TNFRSF10D: variants seen among roughly 807,000 people sequenced by gnomAD.
TNFRSF10D encodes tumor necrosis factor receptor superfamily member 10D.
TNFRSF10D carries 28 observed loss-of-function variants against 42.1 expected under a neutral mutation model. The observed-to-expected ratio is 0.66, with a 90% confidence interval of 0.49 to 0.91. The LOEUF is 0.91. TNFRSF10D is among the 40% of genes least tolerant of loss of function. The pLI is 0.00. For synonymous variants in TNFRSF10D, 186 were observed against 189.4 expected, an observed-to-expected ratio of 0.98 and a Z score of 0.15; for missense variants, 503 against 486.1, an observed-to-expected ratio of 1.03 and a Z score of -0.33.
chr8:23,144,916 C>T, intron 6 of TNFRSF10D, 142 bp downstream of exon 6: 1 of 1,294,428 alleles, frequency 7.7e-7, no homozygotes, highest in Non-Finnish European at 1.1e-6. Context: ...GTGTCCCCCA[C>T]AGTCAGCCCA....
At chr8:23,155,003 G>T in intron 1 of TNFRSF10D, 24 bp from the exon 2 acceptor site, 1 of 1,571,340 alleles carries the variant, frequency 6.4e-7, no homozygotes, top group Non-Finnish European at 8.7e-7. Flanking sequence ...GCAGAGATGG[G>T]CTTGAGTGGC....
At chr8:23,139,620 C>A (rs565646995) in intron 7 of TNFRSF10D, among the ~76,000 whole-genome samples, 1 of 152,250 alleles carries the variant, frequency 6.6e-6, no homozygotes, top group African/African-American at 2.4e-5. Context: ...AGAACTGGAA[C>A]AAGGCAAGGA....
At chr8:23,140,924 A>G (rs1484609987) in intron 7 of TNFRSF10D, among the ~76,000 whole-genome samples, 8 of 152,178 alleles carry the variant, frequency 5.3e-5, no homozygotes, top group Non-Finnish European at 1.0e-4. Flanking sequence ...GGAATAATAC[A>G]ACTCCCCATT....
chr8:23,157,117 T>C (rs1449173431), intron 1 of TNFRSF10D, among the ~76,000 whole-genome samples: 3 of 152,146 alleles, frequency 2.0e-5, no homozygotes, highest in African/African-American at 7.2e-5. Context: ...CTCATAGCTA[T>C]GCAATCATCA....
At chr8:23,146,877 G>A (rs1334845786) in intron 4 of TNFRSF10D, 84 bp downstream of exon 4, 22 of 1,193,302 alleles carry the variant, frequency 1.8e-5, no homozygotes, top group Non-Finnish European at 2.5e-5. Context: ...GATCCATGGG[G>A]TCAGCGGAGA....
intron 1 of TNFRSF10D, among the ~76,000 whole-genome samples, chr8:23,162,482 T>C (rs1800380813): frequency 6.6e-6 from 1 of 152,080 alleles, no homozygotes; most frequent in Admixed American, 6.5e-5. Flanking sequence ...ACTCTCATGG[T>C]TCATGTAATC....
At chr8:23,145,174 C>A (rs1800097348) in intron 5 of TNFRSF10D, 85 bp from the exon 6 acceptor site, 3 of 1,563,468 alleles carry the variant, frequency 1.9e-6, no homozygotes, top group Non-Finnish European at 2.6e-6. Flanking sequence ...GCAGGGCTGG[C>A]TGGGGGCTGG....
At chr8:23,154,109 A>C (rs1392365619) in intron 2 of TNFRSF10D, among the ~76,000 whole-genome samples, 1 of 152,250 alleles carries the variant, frequency 6.6e-6, no homozygotes, top group Non-Finnish European at 1.5e-5. Flanking sequence ...AAGTGAAATA[A>C]GCCAGGCACA....
chr8:23,156,867 C>T (rs1327856864), intron 1 of TNFRSF10D, among the ~76,000 whole-genome samples: 3 of 152,168 alleles, frequency 2.0e-5, no homozygotes, highest in African/African-American at 4.8e-5. Context: ...ACACACAGTC[C>T]GTTTTGTCAG....
chr8:23,159,757 G>C (rs550589475), intron 1 of TNFRSF10D, among the ~76,000 whole-genome samples: 1 of 152,274 alleles, frequency 6.6e-6, no homozygotes, highest in African/African-American at 2.4e-5. Flanking sequence ...AAGGTACTCA[G>C]GAGGCTGAAG....
chr8:23,146,522 A>G (rs543491969), intron 4 of TNFRSF10D, among the ~76,000 whole-genome samples: 938 of 152,132 alleles, frequency 6.2e-3, no homozygotes, highest in African/African-American at 0.019. Flanking sequence ...TGGGCTACGG[A>G]CACTTTTGTC....
chr8:23,137,797 T>C lies in TNFRSF10D; in HGVS notation c.*73A>G. 6.4e-7 allele frequency: 1 copy of C among 1,556,692 alleles called. No homozygotes were observed. Among genetic ancestry groups the C allele is most frequent in the Non-Finnish European group, 8.7e-7 (1 of 1,155,522 alleles). ...GGGGCATGGGTCAAGTACTGGACTG[T>C]TTCTTCCAGGCTGCTTCCCTTTGTA... On this transcript the variant is annotated 3_prime_UTR_variant, in exon 9 of 9. Coordinates refer to ENST00000312584, the MANE Select transcript of TNFRSF10D (RefSeq NM_003840.5).
chr8:23,146,908 C>G, intron 4 of TNFRSF10D, 53 bp downstream of exon 4: 1 of 1,417,960 alleles, frequency 7.1e-7, no homozygotes, highest in Non-Finnish European at 1.0e-6. Context: ...CCAGGTGAAT[C>G]AGGTCTTTTC....
chr8:23,160,027 C>G (rs781759070), intron 1 of TNFRSF10D, among the ~76,000 whole-genome samples: 1 of 152,100 alleles, frequency 6.6e-6, no homozygotes, highest in Non-Finnish European at 1.5e-5. Context: ...CCAACAATAC[C>G]ACATCCTATA....
chr8:23,148,359 C>G lies in TNFRSF10D; in HGVS notation c.370+79G>C, dbSNP rs1016568189. The G allele has an allele frequency of 3.6e-6, 4 of 1,104,834 alleles. No homozygotes were observed. The Admixed American group carries it at 5.7e-5, about 16-fold the overall frequency. 68.4% of individuals were successfully genotyped at this position (1,104,834 alleles called of 1,614,324 possible). ...TACCAAGTTGGGCTAGAACTTGGTT[C>G]CCCGACTCACATCGGCTACAGCTCC... On this transcript the variant is annotated intron_variant, in intron 3 of 8. Transcript: ENST00000312584.
At chr8:23,151,616 A>G (rs1183108321) in intron 2 of TNFRSF10D, among the ~76,000 whole-genome samples, 1 of 152,242 alleles carries the variant, frequency 6.6e-6, no homozygotes, top group African/African-American at 2.4e-5. Context: ...TAAGGAATAC[A>G]CAACATAAAA....
rs557671638 is a variant in TNFRSF10D at position 23,145,679 on chromosome 8, C to T, written c.725G>A (p.Gly242Asp). The change falls in exon 5 of 9, where the codon GGC (glycine) becomes GAC (aspartate). Residue 242 changes from glycine (G) to aspartate (D), a missense_variant. Transcript: ENST00000312584. Reference protein sequence around the residue: ...CRKKFISYLKGICSGGGGGPE... With the variant: ...CRKKFISYLKDICSGGGGGPE... ...CAGCCAGCACCTACCTGAGCAGATGCCTTTGAGGTAAGAAATGAATTTCTT... is the reference window on the plus strand; with the variant it reads ...CAGCCAGCACCTACCTGAGCAGATGTCTTTGAGGTAAGAAATGAATTTCTT... 3 of 1,614,082 alleles carry T rather than the reference C, an allele frequency of 1.9e-6. No individual in the cohort carries two copies. The highest frequency in any genetic ancestry group is 2.7e-5 in the African/African-American group (2 of 75,046).
chr8:23,164,026 C>G lies in TNFRSF10D; in HGVS notation c.-91G>C. 4 of 1,407,704 alleles carry G rather than the reference C, an allele frequency of 2.8e-6. No homozygotes were observed. Among genetic ancestry groups the G allele is most frequent in the Non-Finnish European group, 3.7e-6 (4 of 1,066,908 alleles). The allele number at this position is 1,407,704 out of a possible 1,614,324, so 87.2% of individuals were successfully genotyped here. On this transcript the variant is annotated 5_prime_UTR_variant, in exon 1 of 9. Transcript: ENST00000312584. ...GCGTGCAAAGGTTCTCGCAGCTACACTGCCAGAATAGAACGTGCTCCTCCG... is the reference window on the plus strand; with the variant it reads ...GCGTGCAAAGGTTCTCGCAGCTACAGTGCCAGAATAGAACGTGCTCCTCCG...
At chr8:23,151,368 G>C (rs533992926) in intron 2 of TNFRSF10D, among the ~76,000 whole-genome samples, 1 of 151,924 alleles carries the variant, frequency 6.6e-6, no homozygotes, top group Non-Finnish European at 1.5e-5. Flanking sequence ...AACGGGGGGA[G>C]TTCATCTTTA....
Sources: gnomAD v4.1 joint callset for allele counts (sites outside exome capture counted in the v4.1 genomes callset) on GRCh38, gnomAD v4.1.1 for gene constraint, MANE v1.5 for transcripts, NCBI Gene and HGNC (gene_info 2026-07-23, HGNC 2026-07-21) for gene names.